SUGCT: variants seen among roughly 807,000 people sequenced by gnomAD.
SUGCT encodes succinyl-CoA:glutarate CoA-transferase.
SUGCT carries 41 observed loss-of-function variants against 55.0 expected under a neutral mutation model. The observed-to-expected ratio is 0.74, with a 90% CI of 0.58 to 0.97. The LOEUF (loss-of-function observed/expected upper bound fraction) is 0.97. Among genes scored for constraint, SUGCT ranks in the 50% least tolerant of loss-of-function variants. The pLI is 0.00. For synonymous variants in SUGCT, 187 were observed against 200.4 expected (o/e 0.93, Z 0.56); for missense variants, 568 against 547.8 (o/e 1.04, Z -0.37).
At chr7:40,303,971 C>G (rs1794695561) in intron 8 of SUGCT, among the ~76,000 whole-genome samples, 1 of 150,874 alleles carries the variant, frequency 6.6e-6, no homozygotes. Flanking sequence ...GCTAATTGAA[C>G]TCGGGAGGTG....
At chr7:40,948,792 T>A in the SUGCT span, among the ~76,000 whole-genome samples, 9 of 152,334 alleles carry the variant, frequency 5.9e-5, no homozygotes, top group Admixed American at 2.0e-4. Flanking sequence ...ACTCATTCTT[T>A]TTTATGGCTG....
intron 12 of SUGCT, among the ~76,000 whole-genome samples, chr7:40,680,370 ATC>A (rs1784181201): frequency 6.6e-6 from 1 of 152,196 alleles, no homozygotes; most frequent in African/African-American, 2.4e-5. Flanking sequence ...GCATCTGAGA[ATC>A]TCTCTTTGGC....
At chr7:40,336,656 T>G (rs1284632516) in intron 9 of SUGCT, among the ~76,000 whole-genome samples, 1 of 152,200 alleles carries the variant, frequency 6.6e-6, no homozygotes, top group Non-Finnish European at 1.5e-5. Flanking sequence ...TTTATTAGTC[T>G]TGCTAGCGGT....
At chr7:40,386,210 C>T (rs1785120128) in intron 9 of SUGCT, among the ~76,000 whole-genome samples, 1 of 152,166 alleles carries the variant, frequency 6.6e-6, no homozygotes, top group African/African-American at 2.4e-5. Context: ...TGCATGTTTT[C>T]AGAAAGCCCC....
chr7:40,538,699 T>A (rs1033728828), intron 12 of SUGCT: 2 of 152,192 alleles, frequency 1.3e-5, no homozygotes, highest in African/African-American at 4.8e-5. Context: ...GAAATTTTTT[T>A]AAAGAAATGT....
the SUGCT span, among the ~76,000 whole-genome samples, chr7:40,924,265 CGTGTGT>C: frequency 5.1e-5 from 7 of 136,128 alleles, no homozygotes; most frequent in African/African-American, 2.6e-5. Flanking sequence ...CTTTCAATTA[CGTGTGT>C]GTGTGTGTGT....
chr7:40,778,448 C>T (rs1028136765), intron 13 of SUGCT, among the ~76,000 whole-genome samples: 1 of 152,204 alleles, frequency 6.6e-6, no homozygotes, highest in African/African-American at 2.4e-5. Context: ...TTACATTTGT[C>T]TACCCATTTA....
At chr7:40,602,656 C>G (rs969982574) in intron 12 of SUGCT, among the ~76,000 whole-genome samples, 1 of 152,196 alleles carries the variant, frequency 6.6e-6, no homozygotes, top group African/African-American at 2.4e-5. Flanking sequence ...GTATACAGAG[C>G]TGATCATGAC....
intron 2 of SUGCT, 138 bp from the exon 3 acceptor site, chr7:40,181,817 G>A (rs374452417): frequency 1.9e-4 from 109 of 571,056 alleles, no homozygotes; most frequent in East Asian, 1.2e-3. Flanking sequence ...TATTACATAT[G>A]GCCAAATTAC....
At chr7:40,679,807 T>G (rs1784160320) in intron 12 of SUGCT, among the ~76,000 whole-genome samples, 1 of 152,182 alleles carries the variant, frequency 6.6e-6, no homozygotes, top group South Asian at 2.1e-4. Flanking sequence ...TTTCCAGATC[T>G]CATTTGCTAT....
rs1562612098 is a variant in SUGCT, at chr7:40,249,329, AT to A, written c.576+11604del. On this transcript the variant is annotated intron_variant, in intron 7 of 13. Coordinates refer to ENST00000335693, the MANE Select transcript of SUGCT (RefSeq NM_001193313.2). ...ACCAAAAAGCTATATATATATATATATATATATATATATATATAATTATATT... is the reference window on the plus strand; with the variant it reads ...ACCAAAAAGCTATATATATATATATAATATATATATATATATAATTATATT... Among the ~76,000 whole-genome samples the A allele has an allele frequency of 7.6e-5, 9 of 118,598 alleles. 1 individual carries two copies. The highest frequency in any genetic ancestry group is 3.1e-4 in the African/African-American group (9 of 29,270). The allele number at this position is 118,598 out of a possible 152,430, so 77.8% of individuals were successfully genotyped here.
At chr7:40,993,409 C>A in the SUGCT span, among the ~76,000 whole-genome samples, 1 of 152,172 alleles carries the variant, frequency 6.6e-6, no homozygotes, top group Non-Finnish European at 1.5e-5. Flanking sequence ...GAGAGGCTTA[C>A]AAATGGACCT....
intron 7 of SUGCT, among the ~76,000 whole-genome samples, chr7:40,270,496 C>G (rs1791935016): frequency 6.6e-6 from 1 of 152,048 alleles, no homozygotes; most frequent in Non-Finnish European, 1.5e-5. Flanking sequence ...AAGACTCTTC[C>G]AATTGAATTG....
intron 9 of SUGCT, among the ~76,000 whole-genome samples, chr7:40,344,190 G>A (rs1797197961): frequency 6.6e-6 from 1 of 152,294 alleles, no homozygotes. Context: ...AACCACATGA[G>A]TTCATAGAAC....
chr7:40,737,857 G>A (rs1353649238), intron 12 of SUGCT, among the ~76,000 whole-genome samples: 1 of 151,986 alleles, frequency 6.6e-6, no homozygotes, highest in African/African-American at 2.4e-5. Flanking sequence ...CCAGGAGGTG[G>A]AGGTTGCAGT....
intron 9 of SUGCT, among the ~76,000 whole-genome samples, chr7:40,426,479 A>G (rs771472670): frequency 6.6e-6 from 1 of 152,208 alleles, no homozygotes; most frequent in Non-Finnish European, 1.5e-5. Flanking sequence ...ATTAAAAACT[A>G]CTTCCAGGAA....
At chr7:40,455,527 T>G (rs560854474) in intron 10 of SUGCT, among the ~76,000 whole-genome samples, 1 of 152,172 alleles carries the variant, frequency 6.6e-6, no homozygotes, top group Non-Finnish European at 1.5e-5. Flanking sequence ...AGGCAAACAC[T>G]AATGAAAAGA....
chr7:40,753,971 C>G (rs1033514842), intron 13 of SUGCT, among the ~76,000 whole-genome samples: 1 of 152,108 alleles, frequency 6.6e-6, no homozygotes, highest in Admixed American at 6.5e-5. Flanking sequence ...TGCAAATACT[C>G]CCTTTCATAT....
the SUGCT span, among the ~76,000 whole-genome samples, chr7:41,007,313 C>T: frequency 2.0e-5 from 3 of 152,042 alleles, no homozygotes. Context: ...AGTGAGATGG[C>T]CCTCACTGAA....
Sources: allele counts gnomAD v4.1 joint callset (sites outside exome capture counted in the v4.1 genomes callset), GRCh38; gene constraint gnomAD v4.1.1; transcripts MANE v1.5; gene names NCBI Gene and HGNC (gene_info 2026-07-23, HGNC 2026-07-21).